The following ACADL variants were observed in gnomAD, a reference collection of about 807,000 sequenced individuals.
ACADL encodes the protein long-chain specific acyl-CoA dehydrogenase, mitochondrial.
A neutral mutation model predicts 56.9 loss-of-function variants in ACADL; 60 were observed. That is an observed-to-expected ratio of 1.05 (90% confidence interval 0.86 to 1.31). The LOEUF (loss-of-function observed/expected upper bound fraction) is 1.31. ACADL is among the 50% of genes most tolerant of loss of function. ACADL has a pLI of 0.00. For synonymous variants in ACADL, 158 were observed against 179.7 expected (o/e 0.88, Z 0.97); for missense variants, 484 against 525.5 (o/e 0.92, Z 0.77).
intron 1 of ACADL, chr2:210,224,182 G>T (rs983014928): frequency 7.4e-6 from 1 of 134,266 alleles, no homozygotes; most frequent in Non-Finnish European, 1.4e-5. Flanking sequence ...CCAAGATCGC[G>T]CCACTGCACT....
intron 4 of ACADL, among the ~76,000 whole-genome samples, chr2:210,214,014 C>G (rs1689031792): frequency 8.4e-6 from 1 of 119,012 alleles, no homozygotes; most frequent in African/African-American, 3.1e-5. Context: ...GACCCCATCT[C>G]TATTTCTTTA....
intron 4 of ACADL, among the ~76,000 whole-genome samples, chr2:210,213,726 C>T (rs1166484068): frequency 6.6e-6 from 1 of 152,110 alleles, no homozygotes; most frequent in East Asian, 1.9e-4. Context: ...GATTTTTACC[C>T]AAGATCACAC....
intron 5 of ACADL, among the ~76,000 whole-genome samples, chr2:210,207,180 A>G (rs527813529): frequency 1.3e-5 from 2 of 152,282 alleles, no homozygotes; most frequent in Non-Finnish European, 2.9e-5. Context: ...AGTTCCTACA[A>G]CTGATCTCTC....
At chr2:210,191,264 A>C (rs1688629104) in intron 10 of ACADL, among the ~76,000 whole-genome samples, 1 of 152,206 alleles carries the variant, frequency 6.6e-6, no homozygotes, top group South Asian at 2.1e-4. Context: ...ATAGCAGTCT[A>C]GTTTAAAAAT....
Position 210,217,988 on chromosome 2 carries a change from G to T in ACADL, c.348C>A (p.Ser116=). Residue 116 remains serine, a synonymous_variant, in exon 3 of 11, where the codon TCC becomes TCA. Coordinates refer to ENST00000233710, the MANE Select transcript of ACADL (RefSeq NM_001608.4). Reference sequence around the variant, plus strand: ...ACTGCTCCTCCCAGACAATAGCTGCGGAGTACAGATCCCCTCCAATTCCAC... The same window carrying T: ...ACTGCTCCTCCCAGACAATAGCTGCTGAGTACAGATCCCCTCCAATTCCAC... ...HLGGIGGDLY[S]AAIVWEEQAY... 1 of 1,613,880 alleles carries T rather than the reference G, an allele frequency of 6.2e-7. No individual in the cohort carries two copies. The highest frequency in any genetic ancestry group is 8.5e-7 in the Non-Finnish European group (1 of 1,179,986).
rs759705635 is a variant in ACADL, at chr2:210,220,837, T to G, written c.78-35A>C. 3.3e-6 allele frequency: 5 copies of G among 1,507,224 alleles called. No homozygotes were observed. The South Asian group carries it at 5.9e-5, about 18-fold the overall frequency. 93.4% of individuals were successfully genotyped at this position (1,507,224 alleles called of 1,614,324 possible). A position where few individuals can be genotyped will look rare whatever the true frequency, so the allele number is the denominator to read the frequency against. On this transcript the variant is annotated intron_variant, in intron 1 of 10. Coordinates refer to ENST00000233710, the MANE Select transcript of ACADL (RefSeq NM_001608.4). ...ATATATATGCAATAGGAAAAGTAAG[T>G]GAATTGTTACTCTTCATATCCAAAT...
intron 7 of ACADL, among the ~76,000 whole-genome samples, chr2:210,203,677 T>A (rs1167146231): frequency 6.6e-6 from 1 of 152,266 alleles, no homozygotes; most frequent in South Asian, 2.1e-4. Context: ...TTTTTTATAA[T>A]CTTTTTAAAT....
chr2:210,214,503 G>GAAAGAAAGA (rs1553691033), intron 4 of ACADL, among the ~76,000 whole-genome samples: 1 of 150,510 alleles, frequency 6.6e-6, no homozygotes, highest in African/African-American at 2.5e-5. Context: ...AAGAAAGAAA[G>GAAAGAAAGA]AAAGAAAAAG....
chr2:210,216,563 G>T lies in ACADL; in HGVS notation c.372-52C>A, dbSNP rs753219608. On this transcript the variant is annotated intron_variant, in intron 3 of 10. Transcript: ENST00000233710. ...AGAGCATAAAATAGCAATAAAAAACGACTATTATAACAACAATGTATTAAG... is the reference window on the plus strand; with the variant it reads ...AGAGCATAAAATAGCAATAAAAAACTACTATTATAACAACAATGTATTAAG... 3.9e-6 allele frequency: 6 copies of T among 1,521,692 alleles called. No individual in the cohort carries two copies. In the Admixed American group the frequency reaches 1.1e-4, roughly 27 times the overall value. The allele number at this position is 1,521,692 out of a possible 1,614,324, so 94.3% of individuals were successfully genotyped here.
intron 10 of ACADL, among the ~76,000 whole-genome samples, chr2:210,189,733 T>C (rs919413461): frequency 2.6e-5 from 4 of 152,064 alleles, no homozygotes; most frequent in Non-Finnish European, 4.4e-5. Context: ...GTACAGTTGT[T>C]TTTATCTTTT....
intron 1 of ACADL, among the ~76,000 whole-genome samples, chr2:210,222,508 C>CAAAAAAAAAAAAAAAAAAAAA (rs797000679): frequency 4.9e-5 from 4 of 81,358 alleles, no homozygotes; most frequent in African/African-American, 7.7e-5. Flanking sequence ...AACAAACAAA[C>CAAAAAAAAAAAAAAAAAAAAA]AAAAAAAAAA....
chr2:210,196,142 G>T (rs1214116836), intron 8 of ACADL, among the ~76,000 whole-genome samples: 1 of 152,056 alleles, frequency 6.6e-6, no homozygotes, highest in Non-Finnish European at 1.5e-5. Flanking sequence ...TATAAAGAGT[G>T]GTTCCCCTGC....
chr2:210,188,853 G>A lies in ACADL; in HGVS notation c.*108C>T, dbSNP rs1245082831. 8.9e-6 allele frequency: 7 copies of A among 790,684 alleles called. No individual in the cohort carries two copies. In the South Asian group the frequency reaches 9.7e-5, roughly 11 times the overall value. The allele number at this position is 790,684 out of a possible 1,614,324, so 49.0% of individuals were successfully genotyped here. On this transcript the variant is annotated 3_prime_UTR_variant, in exon 11 of 11. Coordinates refer to ENST00000233710, the MANE Select transcript of ACADL (RefSeq NM_001608.4). Reference sequence around the variant, plus strand: ...TTTTATTTCCTTCTCTATAGAGAGAGCAGGTAAAAACATGTTTAGTGTTTC... The same window carrying A: ...TTTTATTTCCTTCTCTATAGAGAGAACAGGTAAAAACATGTTTAGTGTTTC...
intron 3 of ACADL, among the ~76,000 whole-genome samples, chr2:210,216,893 A>G (rs1689095915): frequency 6.6e-6 from 1 of 152,062 alleles, no homozygotes; most frequent in South Asian, 2.1e-4. Context: ...AACAAAAATA[A>G]AAAATAAAAA....
At chr2:210,218,253 T>A in intron 2 of ACADL, 151 bp from the exon 3 acceptor site, 1 of 690,986 alleles carries the variant, frequency 1.4e-6, no homozygotes, top group Non-Finnish European at 2.4e-6. Flanking sequence ...TGCCTCTGAC[T>A]CTTTTATCAC....
intron 8 of ACADL, among the ~76,000 whole-genome samples, chr2:210,202,404 A>G (rs1688807942): frequency 6.6e-6 from 1 of 152,126 alleles, no homozygotes; most frequent in African/African-American, 2.4e-5. Flanking sequence ...CGTTATTTAA[A>G]GAAATAGAAG....
intron 1 of ACADL, among the ~76,000 whole-genome samples, chr2:210,221,488 A>G (rs1296606462): frequency 2.0e-5 from 3 of 152,144 alleles, no homozygotes; most frequent in Non-Finnish European, 4.4e-5. Context: ...TTGAAAATCT[A>G]TGCATCATTT....
In ACADL at chr2:210,220,635, T is replaced by C. The variant is rs760816478; in HGVS notation, c.233+12A>G. 1 of 1,612,028 alleles carries C rather than the reference T, an allele frequency of 6.2e-7. No individual in the cohort carries two copies. Among genetic ancestry groups the C allele is most frequent in the East Asian group, 2.2e-5 (1 of 44,756 alleles). ...TAGTATACATTACATTAGAGGAAAA[T>C]GTGCCACTTACTCTGAGTGATGAGG... On this transcript the variant is annotated intron_variant, in intron 2 of 10. Coordinates refer to ENST00000233710, the MANE Select transcript of ACADL (RefSeq NM_001608.4).
rs748305872 is a variant in ACADL at position 210,210,280 on chromosome 2, G to A, written c.537-18C>T. ...GTAAGTCACTGTAATTGAAAGAAAA[G>A]ATAAAAAATTCATCAAATGATAAAA... On this transcript the variant is annotated intron_variant, in intron 4 of 10. Transcript: ENST00000233710. The A allele has an allele frequency of 3.2e-6, 5 of 1,560,682 alleles. No individual in the cohort carries two copies. The highest frequency in any genetic ancestry group is 1.7e-5 in the Admixed American group (1 of 59,570).
Sources: gnomAD v4.1 joint callset for allele counts (sites outside exome capture counted in the v4.1 genomes callset) on GRCh38, gnomAD v4.1.1 for gene constraint, MANE v1.5 for transcripts, NCBI Gene and HGNC (gene_info 2026-07-23, HGNC 2026-07-21) for gene names.